Variants in HCK observed in about 807,000 individuals in gnomAD.
HCK encodes the protein tyrosine-protein kinase HCK.
A neutral mutation model predicts 70.4 loss-of-function variants in HCK; 40 were observed. The ratio of observed to expected loss-of-function variants is 0.57; its 90% CI spans 0.44 to 0.74. HCK has a LOEUF of 0.74. Among genes scored for constraint, HCK ranks in the 30% least tolerant of loss-of-function variants. The pLI is 0.00. For synonymous variants in HCK, 245 were observed against 263.2 expected (o/e 0.93, Z 0.67); for missense variants, 568 against 697.2 (o/e 0.81, Z 2.09).
At position 32,094,779 on chromosome 20, in the gene HCK, G is replaced by C. The variant is rs772708437; in HGVS notation, c.1246+763G>C. 2.6e-3 allele frequency among the ~76,000 whole-genome samples: 188 copies of C among 72,490 alleles called. 3 individuals are homozygous for C. The highest frequency in any genetic ancestry group is 0.013 in the African/African-American group (184 of 14,302). The allele number at this position is 72,490 out of a possible 152,430, so 47.6% of individuals were successfully genotyped here. A position where few individuals can be genotyped will look rare whatever the true frequency, so the allele number is the denominator to read the frequency against. On this transcript the variant is annotated intron_variant, in intron 11 of 12. Coordinates refer to ENST00000375852, the MANE Select transcript of HCK (RefSeq NM_002110.5). ...AAAGAAAGAAGGAAAGAAAGAAAGA[G>C]AGAGAAAGAGAAAGAAAGAAAGAAA...
At chr20:32,088,135 G>C (rs2045815858) in intron 9 of HCK, among the ~76,000 whole-genome samples, 1 of 152,072 alleles carries the variant, frequency 6.6e-6, no homozygotes, top group Non-Finnish European at 1.5e-5. Context: ...CAAACTCTTG[G>C]CCTCAGGTGA....
intron 5 of HCK, among the ~76,000 whole-genome samples, chr20:32,077,523 G>GTT (rs956347321): frequency 6.6e-6 from 1 of 151,890 alleles, no homozygotes; most frequent in African/African-American, 2.4e-5. Flanking sequence ...GTTTTGTTTT[G>GTT]TTTTGTTTTG....
At chr20:32,093,052 C>G (rs1226119313) in intron 10 of HCK, among the ~76,000 whole-genome samples, 1 of 152,088 alleles carries the variant, frequency 6.6e-6, no homozygotes, top group Non-Finnish European at 1.5e-5. Flanking sequence ...CCAAGCAATT[C>G]TCGTGCCTCA....
chr20:32,091,545 C>T (rs1381497638), intron 10 of HCK, among the ~76,000 whole-genome samples: 1 of 152,130 alleles, frequency 6.6e-6, no homozygotes, highest in African/African-American at 2.4e-5. Context: ...GTTAACTGTT[C>T]ATCTAAGGAC....
At chr20:32,068,931 G>A (rs1479600618) in intron 1 of HCK, among the ~76,000 whole-genome samples, 1 of 152,112 alleles carries the variant, frequency 6.6e-6, no homozygotes, top group Non-Finnish European at 1.5e-5. Flanking sequence ...GTGACAGAGC[G>A]AGACTGTCTC....
At chr20:32,079,344 T>C (rs1164615460) in intron 5 of HCK, among the ~76,000 whole-genome samples, 1 of 152,188 alleles carries the variant, frequency 6.6e-6, no homozygotes, top group Non-Finnish European at 1.5e-5. Context: ...CGTGGTCTTG[T>C]ATGCTTGTGA....
chr20:32,074,122 G>A (rs1054303345), intron 4 of HCK, among the ~76,000 whole-genome samples: 3 of 152,186 alleles, frequency 2.0e-5, no homozygotes, highest in Middle Eastern at 3.4e-3. Flanking sequence ...CCATCGAGTC[G>A]ACCTTGCATT....
chr20:32,052,610 A>G, intron 1 of HCK, 124 bp downstream of exon 1: 1 of 677,010 alleles, frequency 1.5e-6, no homozygotes. Context: ...GGGGAGACGG[A>G]ACGTCGGGGG....
intron 1 of HCK, among the ~76,000 whole-genome samples, chr20:32,059,855 T>G (rs888988421): frequency 6.6e-6 from 1 of 152,154 alleles, no homozygotes; most frequent in Non-Finnish European, 1.5e-5. Context: ...TGCACTAATG[T>G]TTTACTAGGT....
rs1369061886 is a variant in HCK, at chr20:32,084,376, G to A, written c.683-15G>A. On this transcript the variant is annotated splice_polypyrimidine_tract_variant and intron_variant, in intron 7 of 12. Coordinates refer to ENST00000375852, the MANE Select transcript of HCK (RefSeq NM_002110.5). Reference sequence around the variant, plus strand: ...GGTGCTTGTTGCTCTCAATTGACCAGGGACTCTGTTCCAGAGGGGAACGAC... The same window carrying A: ...GGTGCTTGTTGCTCTCAATTGACCAAGGACTCTGTTCCAGAGGGGAACGAC... 4 of 1,607,216 alleles carry A rather than the reference G, an allele frequency of 2.5e-6. No individual in the cohort carries two copies. Among genetic ancestry groups the A allele is most frequent in the Admixed American group, 3.4e-5 (2 of 59,142 alleles).
chr20:32,067,623 A>G (rs1054611443), intron 1 of HCK, among the ~76,000 whole-genome samples: 21 of 137,302 alleles, frequency 1.5e-4, no homozygotes, highest in Non-Finnish European at 2.0e-4. Flanking sequence ...GCATGCAGCC[A>G]TTCACTCACT....
chr20:32,078,032 TTTG>T (rs1382984667), intron 5 of HCK, among the ~76,000 whole-genome samples: 1 of 149,014 alleles, frequency 6.7e-6, no homozygotes, highest in African/African-American at 2.5e-5. Flanking sequence ...GTTTTTTTTG[TTTG>T]TTTGTTTGTT....
chr20:32,053,631 C>G (rs2045216820), intron 1 of HCK, among the ~76,000 whole-genome samples: 1 of 98,684 alleles, frequency 1.0e-5, no homozygotes, highest in African/African-American at 5.0e-5. Flanking sequence ...GAGAGAGACT[C>G]TGTCTCAAAA....
chr20:32,089,604 C>A (rs1402853554), intron 10 of HCK, among the ~76,000 whole-genome samples: 1 of 152,212 alleles, frequency 6.6e-6, no homozygotes, highest in Non-Finnish European at 1.5e-5. Flanking sequence ...CGCAAAAACA[C>A]TGCTGAAAAC....
rs556221818 is a variant in HCK, at chr20:32,073,646, G to C, written c.227-70G>C. On this transcript the variant is annotated intron_variant, in intron 3 of 12. Transcript: ENST00000375852. ...TGGGTGCGGAGCTGTTCCAGGTGCCGGGTGAGGGTCACCAAGGGCTGTGGA... is the reference window on the plus strand; with the variant it reads ...TGGGTGCGGAGCTGTTCCAGGTGCCCGGTGAGGGTCACCAAGGGCTGTGGA... 40 of 1,049,320 alleles carry C rather than the reference G, an allele frequency of 3.8e-5. No homozygotes were observed. In the African/African-American group the frequency reaches 4.9e-4, roughly 13 times the overall value. The allele number at this position is 1,049,320 out of a possible 1,614,324, so 65.0% of individuals were successfully genotyped here.
intron 8 of HCK, among the ~76,000 whole-genome samples, 198 bp downstream of exon 8, chr20:32,084,741 A>G (rs1431189508): frequency 1.3e-5 from 2 of 152,178 alleles, no homozygotes; most frequent in East Asian, 3.8e-4. Context: ...TGCCTTTGAG[A>G]CCAGTCCTGT....
chr20:32,088,559 C>CA lies in HCK; in HGVS notation c.1016-9_1016-8insA. ...AGTAGTAAATGTTCCTCCCCTCTCCCCCATATAGGAAGCTTGCTGGACTTT... is the reference window on the plus strand; with the variant it reads ...AGTAGTAAATGTTCCTCCCCTCTCCCACCATATAGGAAGCTTGCTGGACTTT... On this transcript the variant is annotated splice_polypyrimidine_tract_variant and intron_variant, in intron 9 of 12. Coordinates refer to ENST00000375852, the MANE Select transcript of HCK (RefSeq NM_002110.5). 2 of 1,608,900 alleles carry CA rather than the reference C, an allele frequency of 1.2e-6. No homozygotes were observed. The highest frequency in any genetic ancestry group is 2.2e-5 in the South Asian group (2 of 89,918).
At chr20:32,056,050 A>C (rs1294611952) in intron 1 of HCK, among the ~76,000 whole-genome samples, 2 of 152,254 alleles carry the variant, frequency 1.3e-5, no homozygotes, top group Non-Finnish European at 2.9e-5. Context: ...GATATTCCAC[A>C]GTTTATTTAC....
chr20:32,075,809 G>A (rs114250687), intron 5 of HCK, among the ~76,000 whole-genome samples: 2,165 of 152,242 alleles, frequency 0.014, 55 homozygotes, highest in African/African-American at 0.049. Context: ...GCTCCCTGCT[G>A]GAGATGTTCT....
Sources: gnomAD v4.1 joint callset for allele counts (sites outside exome capture counted in the v4.1 genomes callset) on GRCh38, gnomAD v4.1.1 for gene constraint, MANE v1.5 for transcripts, NCBI Gene and HGNC (gene_info 2026-07-23, HGNC 2026-07-21) for gene names.